The following ZNF385B variants were observed in gnomAD, a reference collection of about 807,000 sequenced individuals.
The protein encoded by ZNF385B is zinc finger protein 385B.
A neutral mutation model predicts 39.2 loss-of-function variants in ZNF385B; 23 were observed. The observed-to-expected ratio is 0.59, with a 90% CI of 0.42 to 0.83. The LOEUF (loss-of-function observed/expected upper bound fraction) is 0.83, where lower values mean the gene tolerates loss of function less well. Ranked by LOEUF, ZNF385B falls within the 40% of genes least tolerant of loss-of-function variation. The probability of loss-of-function intolerance (pLI) is 0.00; values close to 1 mark genes in which losing one functional copy is unlikely to be tolerated. For synonymous variants in ZNF385B, 205 were observed against 222.6 expected (o/e 0.92, Z 0.70); for missense variants, 552 against 598.9 (o/e 0.92, Z 0.82).
intron 3 of ZNF385B, among the ~76,000 whole-genome samples, chr2:179,694,463 TAAGAG>T (rs1156356475): frequency 6.6e-6 from 1 of 152,100 alleles, no homozygotes; most frequent in Non-Finnish European, 1.5e-5. Flanking sequence ...TTAAATTACT[TAAGAG>T]AAAATACAAA....
intron 3 of ZNF385B, among the ~76,000 whole-genome samples, chr2:179,742,536 C>T (rs1020708732): frequency 5.9e-5 from 9 of 151,656 alleles, no homozygotes; most frequent in South Asian, 4.2e-4. Flanking sequence ...ACTCAGAGTT[C>T]GATATTTTTA....
intron 1 of ZNF385B, among the ~76,000 whole-genome samples, chr2:179,793,674 T>C (rs974984639): frequency 6.6e-6 from 1 of 152,206 alleles, no homozygotes; most frequent in African/African-American, 2.4e-5. Flanking sequence ...CTTTTCTTTA[T>C]AAATTGCCCA....
intron 3 of ZNF385B, among the ~76,000 whole-genome samples, chr2:179,556,901 T>C (rs1377919239): frequency 6.7e-6 from 1 of 149,224 alleles, no homozygotes; most frequent in East Asian, 1.9e-4. Flanking sequence ...TTGGCAGTTA[T>C]GATGGCAGTC....
intron 1 of ZNF385B, among the ~76,000 whole-genome samples, chr2:179,797,981 T>C (rs1399918765): frequency 6.6e-6 from 1 of 152,146 alleles, no homozygotes; most frequent in Non-Finnish European, 1.5e-5. Context: ...GTACAGTTTA[T>C]AGAGAAAAGA....
intron 3 of ZNF385B, among the ~76,000 whole-genome samples, chr2:179,704,184 C>A (rs1031896828): frequency 6.6e-6 from 1 of 152,014 alleles, no homozygotes. Flanking sequence ...AGCCCTATAC[C>A]AGAATACTGT....
Position 179,550,792 on chromosome 2 carries a change from T to TTGCTGC in ZNF385B, c.299-5829_299-5824dup, listed in dbSNP as rs372924068. On this transcript the variant is annotated intron_variant, in intron 3 of 9. Transcript: ENST00000410066. ...TCTCTCTGTCTTCATATTTCAGATTTTGCTGCTGCTGCTGCTGCTGCTAAG... is the reference window on the plus strand; with the variant it reads ...TCTCTCTGTCTTCATATTTCAGATTTTGCTGCTGCTGCTGCTGCTGCTGCTGCTAAG... Among the ~76,000 whole-genome samples, 129 of 149,180 alleles carry TTGCTGC rather than the reference T, an allele frequency of 8.6e-4. 6 individuals carry two copies. Among genetic ancestry groups the TTGCTGC allele is most frequent in the Middle Eastern group, 3.5e-3 (1 of 288 alleles).
At chr2:179,572,629 C>T (rs553555788) in intron 3 of ZNF385B, among the ~76,000 whole-genome samples, 1 of 152,268 alleles carries the variant, frequency 6.6e-6, no homozygotes, top group African/African-American at 2.4e-5. Context: ...TTCAGCAAGG[C>T]TCCCAGCTTG....
At chr2:179,528,345 G>T (rs1027749985) in intron 4 of ZNF385B, among the ~76,000 whole-genome samples, 9 of 152,180 alleles carry the variant, frequency 5.9e-5, no homozygotes, top group African/African-American at 2.2e-4. Flanking sequence ...TGAGTACTAA[G>T]TACTAGACAC....
intron 3 of ZNF385B, 123 bp from the exon 4 acceptor site, chr2:179,545,092 T>G: frequency 8.5e-7 from 1 of 1,170,220 alleles, no homozygotes; most frequent in East Asian, 2.4e-5. Flanking sequence ...ATGCTGTAAG[T>G]AAGCAAATGG....
At chr2:179,655,369 C>T (rs540086405) in intron 3 of ZNF385B, among the ~76,000 whole-genome samples, 1 of 152,092 alleles carries the variant, frequency 6.6e-6, no homozygotes, top group East Asian at 1.9e-4. Flanking sequence ...ATATATCATA[C>T]ATATCAAAGT....
intron 1 of ZNF385B, among the ~76,000 whole-genome samples, chr2:179,785,905 T>C (rs1334607785): frequency 6.6e-6 from 1 of 152,200 alleles, no homozygotes; most frequent in Non-Finnish European, 1.5e-5. Context: ...GAAGTTCTAA[T>C]GTGGATAAAT....
chr2:179,448,758 TG>T (rs2105562378), intron 6 of ZNF385B, among the ~76,000 whole-genome samples: 1 of 152,246 alleles, frequency 6.6e-6, no homozygotes, highest in East Asian at 1.9e-4. Flanking sequence ...CTGATCAGTC[TG>T]TGGTACACTA....
chr2:179,712,471 A>G (rs559871032), intron 3 of ZNF385B, among the ~76,000 whole-genome samples: 40 of 152,250 alleles, frequency 2.6e-4, no homozygotes, highest in African/African-American at 9.6e-4. Context: ...ACCGTCCTTG[A>G]TATCTCCTCT....
At chr2:179,751,911 T>A (rs946851380) in intron 3 of ZNF385B, among the ~76,000 whole-genome samples, 12 of 152,262 alleles carry the variant, frequency 7.9e-5, no homozygotes, top group South Asian at 2.1e-4. Context: ...TCTCTTTTTT[T>A]AATTTATTTA....
intron 3 of ZNF385B, among the ~76,000 whole-genome samples, chr2:179,666,346 T>A (rs1198546166): frequency 6.6e-6 from 1 of 152,222 alleles, no homozygotes; most frequent in Non-Finnish European, 1.5e-5. Context: ...TCCCCTCCTG[T>A]GATTTAACAT....
chr2:179,780,010 T>C (rs982677712), intron 1 of ZNF385B, among the ~76,000 whole-genome samples: 44 of 152,036 alleles, frequency 2.9e-4, no homozygotes, highest in African/African-American at 1.0e-3. Flanking sequence ...CTGCTGGGGT[T>C]GGAGGAGAGG....
intron 5 of ZNF385B, among the ~76,000 whole-genome samples, chr2:179,495,206 G>C (rs547957827): frequency 6.6e-6 from 1 of 152,284 alleles, no homozygotes; most frequent in East Asian, 1.9e-4. Context: ...GGCCTTAAGG[G>C]AACATTGACA....
intron 1 of ZNF385B, chr2:179,802,624 C>G (rs1202406765): frequency 6.6e-6 from 1 of 152,114 alleles, no homozygotes; most frequent in Non-Finnish European, 1.5e-5. Context: ...CAGACTCATT[C>G]CTCAAGTATT....
At chr2:179,517,488 C>T (rs2058171816) in intron 5 of ZNF385B, among the ~76,000 whole-genome samples, 1 of 149,844 alleles carries the variant, frequency 6.7e-6, no homozygotes, top group Non-Finnish European at 1.5e-5. Context: ...AATATAATTT[C>T]ATAAATCATG....
Sources: allele counts gnomAD v4.1 joint callset (sites outside exome capture counted in the v4.1 genomes callset), GRCh38; gene constraint gnomAD v4.1.1; transcripts MANE v1.5; gene names NCBI Gene and HGNC (gene_info 2026-07-23, HGNC 2026-07-21).